Variants in SHOC1 observed in about 807,000 individuals in gnomAD.
SHOC1 encodes protein shortage in chiasmata 1 ortholog.
A neutral mutation model predicts 179.2 loss-of-function variants in SHOC1; 136 were observed. The observed-to-expected ratio is 0.76, with a 90% CI of 0.66 to 0.87. The LOEUF is 0.87. SHOC1 is among the 40% of genes least tolerant of loss of function. The pLI is 0.00. For missense variants in SHOC1, 1,538 were observed against 1,700.8 expected, an observed-to-expected ratio of 0.90 and a Z score of 1.68; for synonymous variants, 489 against 586.6, an observed-to-expected ratio of 0.83 and a Z score of 2.41.
At chr9:111,708,761 A>T (rs911088249) in intron 18 of SHOC1, among the ~76,000 whole-genome samples, 1 of 152,182 alleles carries the variant, frequency 6.6e-6, no homozygotes, top group Non-Finnish European at 1.5e-5. Context: ...TATTTTACTA[A>T]TGTTTAAACA....
intron 4 of SHOC1, among the ~76,000 whole-genome samples, chr9:111,776,179 TGAC>T (rs763398635): frequency 1.0e-4 from 15 of 149,556 alleles, no homozygotes; most frequent in Non-Finnish European, 1.5e-4. Flanking sequence ...AGTGGACTAA[TGAC>T]AACAGTATTC....
At position 111,786,083 on chromosome 9, in the gene SHOC1, T is replaced by C. The variant is rs1420867378; in HGVS notation, c.46-48A>G. 5 of 1,273,150 alleles carry C rather than the reference T, an allele frequency of 3.9e-6. No homozygotes were observed. The Admixed American group carries it at 1.7e-4, about 42-fold the overall frequency. The allele number at this position is 1,273,150 out of a possible 1,614,324, so 78.9% of individuals were successfully genotyped here. A position where few individuals can be genotyped will look rare whatever the true frequency, so the allele number is the denominator to read the frequency against. On this transcript the variant is annotated intron_variant, in intron 2 of 27. Transcript: ENST00000682961. ...AAAATCTTTTAACATGTACTATTTA[T>C]CAATATTCAGAATATATTAAAATTC...
intron 13 of SHOC1, among the ~76,000 whole-genome samples, chr9:111,726,068 C>T (rs1309048030): frequency 6.6e-6 from 1 of 152,020 alleles, no homozygotes; most frequent in Non-Finnish European, 1.5e-5. Flanking sequence ...ATTTTTGTAT[C>T]ACATTTATAA....
chr9:111,714,423 C>T (rs939682454), intron 17 of SHOC1, 22 bp downstream of exon 17: 33 of 1,603,864 alleles, frequency 2.1e-5, no homozygotes, highest in African/African-American at 2.7e-5. Context: ...ATTATTTTAC[C>T]GGCTTTATTC....
At position 111,758,821 on chromosome 9, in the gene SHOC1, A is replaced by G. The variant is rs1835001516; in HGVS notation, c.470T>C (p.Leu157Pro). 2.6e-6 allele frequency: 4 copies of G among 1,555,524 alleles called. No individual in the cohort carries two copies. The South Asian group carries it at 4.7e-5, about 18-fold the overall frequency. Residue 157 changes from leucine to proline, a missense_variant, in exon 6 of 28, where the codon CTT (leucine) becomes CCT (proline). By Grantham distance (98) the Leu-to-Pro change is moderately conservative. Transcript: ENST00000682961. Reference sequence around the variant, plus strand: ...TAGGTGTTTTCTACTACTTACAAAAAGTATTCCTTTATCATCAATAAATAA... The same window carrying G: ...TAGGTGTTTTCTACTACTTACAAAAGGTATTCCTTTATCATCAATAAATAA... The part of the protein sequence containing the change: ...QDLFIDDKGI[L>P]FVSSRKHLPT...
chr9:111,742,907 C>T (rs1026834257), intron 10 of SHOC1, among the ~76,000 whole-genome samples: 1 of 152,140 alleles, frequency 6.6e-6, no homozygotes, highest in African/African-American at 2.4e-5. Flanking sequence ...TTTAGCAGGC[C>T]ATGTCCAATA....
intron 3 of SHOC1, among the ~76,000 whole-genome samples, chr9:111,782,035 C>G (rs959736295): frequency 1.3e-5 from 2 of 152,122 alleles, no homozygotes; most frequent in East Asian, 3.9e-4. Context: ...CACAGTGAAA[C>G]CCTGTCTGTA....
At chr9:111,739,017 T>C (rs1168112174) in intron 11 of SHOC1, among the ~76,000 whole-genome samples, 1 of 152,074 alleles carries the variant, frequency 6.6e-6, no homozygotes, top group East Asian at 1.9e-4. Flanking sequence ...TCATAACATA[T>C]GGAGGAACTG....
intron 27 of SHOC1, 75 bp from the exon 28 acceptor site, chr9:111,686,945 T>C (rs2131294258): frequency 4.1e-6 from 4 of 969,086 alleles, no homozygotes; most frequent in Middle Eastern, 2.5e-4. Context: ...TTTCCTTTTT[T>C]TTTTTTTTTT....
At chr9:111,689,834 A>T (rs1267537426) in intron 27 of SHOC1, among the ~76,000 whole-genome samples, 2 of 152,218 alleles carry the variant, frequency 1.3e-5, no homozygotes, top group African/African-American at 4.8e-5. Flanking sequence ...TATACCTAAA[A>T]GCTTTAAGCT....
chr9:111,754,397 C>G (rs369991353), intron 8 of SHOC1, among the ~76,000 whole-genome samples: 3 of 152,214 alleles, frequency 2.0e-5, no homozygotes, highest in African/African-American at 7.2e-5. Context: ...AAATGCAAAT[C>G]AAAACCACAA....
intron 24 of SHOC1, among the ~76,000 whole-genome samples, chr9:111,695,958 C>G (rs191741839): frequency 3.1e-4 from 47 of 152,182 alleles, no homozygotes; most frequent in African/African-American, 1.1e-3. Context: ...AGCAACAAGC[C>G]TGGCTGGTGA....
chr9:111,742,353 A>C (rs1834082152), intron 10 of SHOC1, among the ~76,000 whole-genome samples: 1 of 152,144 alleles, frequency 6.6e-6, no homozygotes, highest in Non-Finnish European at 1.5e-5. Context: ...TGGATCCTCT[A>C]CTGGCTGAGG....
At chr9:111,722,837 C>T (rs144920269) in intron 14 of SHOC1, among the ~76,000 whole-genome samples, 1,691 of 152,160 alleles carry the variant, frequency 0.011, 30 homozygotes, top group African/African-American at 0.038. Context: ...GAGTCTTGCT[C>T]TGTTGCCAGG....
chr9:111,742,347 T>G (rs1340974888), intron 10 of SHOC1, among the ~76,000 whole-genome samples: 1 of 152,154 alleles, frequency 6.6e-6, no homozygotes, highest in Non-Finnish European at 1.5e-5. Context: ...AAATTCTGGA[T>G]CCTCTACTGG....
chr9:111,700,919 G>A (rs902894537), intron 23 of SHOC1, among the ~76,000 whole-genome samples: 3 of 152,118 alleles, frequency 2.0e-5, no homozygotes, highest in African/African-American at 7.2e-5. Context: ...TTTTACAAGT[G>A]TTATAACTGT....
chr9:111,771,572 C>T (rs1835610080), intron 5 of SHOC1, among the ~76,000 whole-genome samples: 1 of 152,044 alleles, frequency 6.6e-6, no homozygotes, highest in Non-Finnish European at 1.5e-5. Context: ...TGAAGAACCC[C>T]CTTTACCATT....
intron 3 of SHOC1, 99 bp downstream of exon 3, chr9:111,785,813 T>G (rs1196536625): frequency 4.3e-5 from 46 of 1,061,448 alleles, no homozygotes; most frequent in Non-Finnish European, 5.7e-5. Flanking sequence ...ATGCAATGAG[T>G]TTTTAATTAG....
chr9:111,754,027 A>C (rs1429050956), intron 8 of SHOC1, among the ~76,000 whole-genome samples: 1 of 152,180 alleles, frequency 6.6e-6, no homozygotes, highest in African/African-American at 2.4e-5. Flanking sequence ...TTACTAAGAA[A>C]GTAGATCTTA....
Sources: allele counts gnomAD v4.1 joint callset (sites outside exome capture counted in the v4.1 genomes callset), GRCh38; gene constraint gnomAD v4.1.1; transcripts MANE v1.5; gene names NCBI Gene and HGNC (gene_info 2026-07-23, HGNC 2026-07-21).